Variants in LRP1B observed in about 807,000 individuals in gnomAD.
LRP1B encodes the protein LDL receptor related protein 1B.
LRP1B carries 217 observed loss-of-function variants against 556.6 expected under a neutral mutation model. That is an observed-to-expected ratio of 0.39 (90% CI 0.35 to 0.44). LRP1B has a LOEUF of 0.44. LRP1B is among the 20% of genes least tolerant of loss of function. LRP1B has a pLI of 1.00. For synonymous variants in LRP1B, 2,047 were observed against 1,865.8 expected (o/e 1.10, Z -2.50); for missense variants, 5,053 against 5,620.8 (o/e 0.90, Z 3.23).
chr2:140,716,047 A>G lies in LRP1B; in HGVS notation c.5949T>C (p.Asn1983=), dbSNP rs1687198473. 1 of 1,609,418 alleles carries G rather than the reference A, an allele frequency of 6.2e-7. No individual in the cohort carries two copies. ...AAATAATTACATAACGGAAAGAACC[A>G]TTGAGTCTTGCAACTTCAATTAAGT... The part of the protein sequence containing the change: ...GFNLIEVARL[N]GSFRYVIISQ... Residue 1983 remains asparagine (N), a synonymous_variant, in exon 37 of 91, where the codon AAT becomes AAC. Transcript: ENST00000389484.
intron 2 of LRP1B, among the ~76,000 whole-genome samples, chr2:141,728,234 G>A (rs752707003): frequency 6.6e-6 from 1 of 152,136 alleles, no homozygotes; most frequent in Non-Finnish European, 1.5e-5. Flanking sequence ...TTCTGTTCAA[G>A]TTTAAGATTC....
rs1297190080 is a variant in LRP1B, at chr2:140,743,993, T to TAAAAAAAAAAAA, written c.5758+25219_5758+25220insTTTTTTTTTTTT. The stretch of plus-strand genomic sequence containing the variant: ...AAAAAAAAAAAAAAAAAAAAAAAAG[T>TAAAAAAAAAAAA]AAAAAGTAAAATCCATAGACATAGA... On this transcript the variant is annotated intron_variant, in intron 35 of 90. Transcript: ENST00000389484. Among the ~76,000 whole-genome samples, 2 of 7,174 alleles carry TAAAAAAAAAAAA rather than the reference T, an allele frequency of 2.8e-4. 1 individual carries two copies. The highest frequency in any genetic ancestry group is 7.4e-4 in the Non-Finnish European group (2 of 2,694). 4.7% of individuals were successfully genotyped at this position (7,174 alleles called of 152,430 possible).
At chr2:140,433,801 T>G (rs1192928871) in intron 66 of LRP1B, among the ~76,000 whole-genome samples, 1 of 151,926 alleles carries the variant, frequency 6.6e-6, no homozygotes, top group African/African-American at 2.4e-5. Flanking sequence ...TTTCAATAAA[T>G]AGTATCACTT....
intron 11 of LRP1B, among the ~76,000 whole-genome samples, chr2:141,042,486 C>T (rs1698730926): frequency 6.6e-6 from 1 of 152,100 alleles, no homozygotes; most frequent in African/African-American, 2.4e-5. Flanking sequence ...TTTCATGTCT[C>T]CTGCCAGCAT....
At chr2:141,561,904 T>G (rs1273361724) in intron 2 of LRP1B, among the ~76,000 whole-genome samples, 1 of 151,944 alleles carries the variant, frequency 6.6e-6, no homozygotes, top group Non-Finnish European at 1.5e-5. Flanking sequence ...TTTTATTATT[T>G]CCAGAACAGA....
intron 43 of LRP1B, among the ~76,000 whole-genome samples, chr2:140,552,668 G>C (rs1230090984): frequency 6.6e-6 from 1 of 152,126 alleles, no homozygotes; most frequent in Non-Finnish European, 1.5e-5. Context: ...CAGAAGCCTT[G>C]TCATCACAAA....
intron 83 of LRP1B, among the ~76,000 whole-genome samples, chr2:140,310,898 T>A (rs1684268884): frequency 1.3e-5 from 2 of 151,802 alleles, no homozygotes; most frequent in African/African-American, 4.8e-5. Flanking sequence ...AGTAGATAAA[T>A]GGGACTTAAT....
chr2:140,549,806 C>G (rs943230373), intron 43 of LRP1B, among the ~76,000 whole-genome samples: 3 of 151,910 alleles, frequency 2.0e-5, no homozygotes, highest in African/African-American at 7.3e-5. Flanking sequence ...CTTGCATTAG[C>G]TCTGCAAGCA....
chr2:141,497,520 C>T (rs1683550496), intron 2 of LRP1B, among the ~76,000 whole-genome samples: 1 of 151,918 alleles, frequency 6.6e-6, no homozygotes, highest in African/African-American at 2.4e-5. Flanking sequence ...GGTTTTTTCT[C>T]CTACACCACA....
chr2:140,349,917 G>A (rs1040071106), intron 77 of LRP1B, among the ~76,000 whole-genome samples: 1 of 152,068 alleles, frequency 6.6e-6, no homozygotes, highest in Non-Finnish European at 1.5e-5. Context: ...TGCTGATAAA[G>A]TATATTCCAG....
chr2:141,172,837 C>T (rs1680565369), intron 7 of LRP1B, among the ~76,000 whole-genome samples: 1 of 151,830 alleles, frequency 6.6e-6, no homozygotes, highest in Non-Finnish European at 1.5e-5. Flanking sequence ...TGAGTAGTTA[C>T]CTTTGAATAA....
At chr2:140,596,644 T>A (rs1006918035) in intron 43 of LRP1B, among the ~76,000 whole-genome samples, 1 of 152,160 alleles carries the variant, frequency 6.6e-6, no homozygotes, top group East Asian at 1.9e-4. Flanking sequence ...CATGAGGAAG[T>A]GGTCATGTTT....
rs35836885 is a variant in LRP1B at position 140,577,421 on chromosome 2, A to AT, written c.7194+21209dup. On this transcript the variant is annotated intron_variant, in intron 43 of 90. Coordinates refer to ENST00000389484, the MANE Select transcript of LRP1B (RefSeq NM_018557.3). ...TCGCTTGAACTTTATCCACTACTGAATTTTTTTTTTTTTTTGAGACAAGGT... is the reference window on the plus strand; with the variant it reads ...TCGCTTGAACTTTATCCACTACTGAATTTTTTTTTTTTTTTTGAGACAAGGT... 1.2e-3 allele frequency among the ~76,000 whole-genome samples: 167 copies of AT among 144,626 alleles called. 2 individuals carry two copies. Among genetic ancestry groups the AT allele is most frequent in the East Asian group, 5.6e-3 (27 of 4,824 alleles). The allele number at this position is 144,626 out of a possible 152,430, so 94.9% of individuals were successfully genotyped here. A position where few individuals can be genotyped will look rare whatever the true frequency, so the allele number is the denominator to read the frequency against.
At chr2:141,861,820 C>T (rs926984616) in intron 1 of LRP1B, among the ~76,000 whole-genome samples, 1 of 151,876 alleles carries the variant, frequency 6.6e-6, no homozygotes, top group African/African-American at 2.4e-5. Context: ...GTCCCAGTCA[C>T]GCTGGAGGCT....
rs541202529 is a variant in LRP1B, at chr2:141,841,799, G to A, written c.83-31398C>T. Reference sequence around the variant, plus strand: ...GTCCTCATATAATGGTAGCAAGAGGGTTACCTGCTGAAAATATTACATCAT... The same window carrying A: ...GTCCTCATATAATGGTAGCAAGAGGATTACCTGCTGAAAATATTACATCAT... On this transcript the variant is annotated intron_variant, in intron 1 of 90. Transcript: ENST00000389484. 2.0e-5 allele frequency among the ~76,000 whole-genome samples: 3 copies of A among 152,170 alleles called. No homozygotes were observed. In the South Asian group the frequency reaches 6.2e-4, roughly 32 times the overall value.
intron 2 of LRP1B, among the ~76,000 whole-genome samples, chr2:141,678,857 C>A (rs1322955435): frequency 6.6e-6 from 1 of 152,042 alleles, no homozygotes; most frequent in African/African-American, 2.4e-5. Context: ...TTAGATGATA[C>A]CCACTCCCTG....
chr2:142,121,518 G>T (rs1707455838), intron 1 of LRP1B, among the ~76,000 whole-genome samples: 2 of 151,966 alleles, frequency 1.3e-5, no homozygotes, highest in Non-Finnish European at 2.9e-5. Context: ...TCCTCTCAAG[G>T]GTTGCATAGA....
At chr2:140,634,839 G>A (rs1684014229) in intron 41 of LRP1B, among the ~76,000 whole-genome samples, 1 of 152,042 alleles carries the variant, frequency 6.6e-6, no homozygotes, top group African/African-American at 2.4e-5. Context: ...GAGGAATCCT[G>A]AGAGACACGA....
intron 1 of LRP1B, among the ~76,000 whole-genome samples, chr2:142,094,810 G>A (rs147476510): frequency 1.3e-5 from 2 of 151,540 alleles, no homozygotes; most frequent in African/African-American, 4.8e-5. Context: ...TAAATATTTA[G>A]TAATAAATTT....
Sources: gnomAD v4.1 joint callset for allele counts (sites outside exome capture counted in the v4.1 genomes callset) on GRCh38, gnomAD v4.1.1 for gene constraint, MANE v1.5 for transcripts, NCBI Gene and HGNC (gene_info 2026-07-23, HGNC 2026-07-21) for gene names.